SOX5: variants seen among roughly 807,000 people sequenced by gnomAD.
SOX5 encodes the protein transcription factor SOX-5.
Under a neutral mutation model 92.0 loss-of-function variants are expected in SOX5, and 9 were observed. The observed-to-expected ratio is 0.10, with a 90% CI of 0.06 to 0.17. SOX5 has a LOEUF of 0.17. Ranked by LOEUF, SOX5 falls within the 10% of genes least tolerant of loss-of-function variation. The pLI, the probability that SOX5 is intolerant of heterozygous loss-of-function variation, is 1.00. For missense variants in SOX5, 642 were observed against 944.5 expected, an observed-to-expected ratio of 0.68 and a Z score of 4.20; for synonymous variants, 344 against 336.3, an observed-to-expected ratio of 1.02 and a Z score of -0.25.
intron 6 of SOX5, among the ~76,000 whole-genome samples, chr12:23,674,155 T>A (rs1034711065): frequency 1.3e-5 from 2 of 151,966 alleles, no homozygotes; most frequent in African/African-American, 4.8e-5. Flanking sequence ...GGAAAACTGA[T>A]AAGAAAACAA....
At chr12:24,325,339 C>T (rs1950578383) in intron 2 of SOX5, among the ~76,000 whole-genome samples, 1 of 152,052 alleles carries the variant, frequency 6.6e-6, no homozygotes, top group Non-Finnish European at 1.5e-5. Context: ...TTATTTATGA[C>T]AGATTTTAGT....
chr12:23,765,404 A>AAAAC (rs2094692889), intron 3 of SOX5, among the ~76,000 whole-genome samples: 1 of 149,764 alleles, frequency 6.7e-6, no homozygotes, highest in African/African-American at 2.4e-5. Flanking sequence ...AAAAAAAAAA[A>AAAAC]AAAAAAAGAG....
chr12:24,526,211 A>G (rs1177752157), intron 1 of SOX5, among the ~76,000 whole-genome samples: 1 of 152,184 alleles, frequency 6.6e-6, no homozygotes, highest in Non-Finnish European at 1.5e-5. Flanking sequence ...AAACAGATGG[A>G]GGCAAATGTG....
chr12:24,141,280 C>T (rs1164839245), intron 4 of SOX5, among the ~76,000 whole-genome samples: 1 of 151,936 alleles, frequency 6.6e-6, no homozygotes, highest in Non-Finnish European at 1.5e-5. Flanking sequence ...TATTTATATC[C>T]TAAGTGTTGC....
intron 1 of SOX5, among the ~76,000 whole-genome samples, chr12:24,447,869 G>A (rs752315734): frequency 6.6e-6 from 1 of 152,162 alleles, no homozygotes; most frequent in Non-Finnish European, 1.5e-5. Flanking sequence ...CATGCTTGGA[G>A]AGGGATGCGG....
At position 24,166,448 on chromosome 12, in the gene SOX5, T is replaced by G. The variant is rs375874468; in HGVS notation, c.-2+46895A>C. Among the ~76,000 whole-genome samples the G allele has an allele frequency of 5.3e-5, 8 of 152,268 alleles. 1 individual carries two copies. The highest frequency in any genetic ancestry group is 1.9e-4 in the East Asian group (1 of 5,190). On this transcript the variant is annotated intron_variant, in intron 4 of 4. Coordinates refer to the SOX5 transcript ENST00000446891. Reference sequence around the variant, plus strand: ...ATGAAATCTTGAATGTGAATGAGATTCTCAGGAAATATAGAGCAATACAAG... The same window carrying G: ...ATGAAATCTTGAATGTGAATGAGATGCTCAGGAAATATAGAGCAATACAAG...
chr12:23,995,690 T>C (rs1461051725), intron 4 of SOX5, among the ~76,000 whole-genome samples: 2 of 152,154 alleles, frequency 1.3e-5, no homozygotes, highest in South Asian at 4.1e-4. Flanking sequence ...AGAGCAAGAC[T>C]CTCTCAATTA....
intron 3 of SOX5, among the ~76,000 whole-genome samples, chr12:23,838,854 GGC>G (rs1568224344): frequency 7.5e-5 from 7 of 93,550 alleles, no homozygotes; most frequent in Admixed American, 1.2e-4. Flanking sequence ...GGGGGGGGGG[GGC>G]GGGGATGGAG....
chr12:24,120,179 C>T (rs1405907818), intron 4 of SOX5, among the ~76,000 whole-genome samples: 1 of 152,130 alleles, frequency 6.6e-6, no homozygotes, highest in African/African-American at 2.4e-5. Context: ...GTTGGATATA[C>T]ACTCAGAAGT....
intron 4 of SOX5, among the ~76,000 whole-genome samples, chr12:23,749,375 A>ATGTTT (rs2094111525): frequency 1.3e-5 from 2 of 151,890 alleles, no homozygotes; most frequent in South Asian, 4.1e-4. Flanking sequence ...TACCTTTTTA[A>ATGTTT]ATATGTTTAT....
intron 3 of SOX5, among the ~76,000 whole-genome samples, chr12:24,254,816 G>A (rs1273191260): frequency 6.6e-6 from 1 of 151,182 alleles, no homozygotes. Context: ...TTCTCATTTG[G>A]GCTTTAATTT....
chr12:24,327,673 T>G (rs1382324156), intron 2 of SOX5, among the ~76,000 whole-genome samples: 1 of 152,040 alleles, frequency 6.6e-6, no homozygotes, highest in Non-Finnish European at 1.5e-5. Context: ...AAACTCTGCC[T>G]CCTGGGTTCA....
chr12:23,763,462 T>A (rs1197884479), intron 3 of SOX5, among the ~76,000 whole-genome samples: 1 of 152,174 alleles, frequency 6.6e-6, no homozygotes, highest in Non-Finnish European at 1.5e-5. Flanking sequence ...CCCATTTTTA[T>A]GAAATAACCA....
chr12:24,109,708 T>C (rs1354924357), intron 4 of SOX5, among the ~76,000 whole-genome samples: 1 of 152,184 alleles, frequency 6.6e-6, no homozygotes, highest in Non-Finnish European at 1.5e-5. Flanking sequence ...AGAAGAAAAT[T>C]AGTTTTAAAC....
rs527511204 is a variant in SOX5 at position 23,554,412 on chromosome 12, G to A, written c.1489-7988C>T. Among the ~76,000 whole-genome samples the A allele has an allele frequency of 2.6e-5, 4 of 152,212 alleles. No individual in the cohort carries two copies. The East Asian group carries it at 5.8e-4, about 22-fold the overall frequency. Reference sequence around the variant, plus strand: ...ACATGACCAATGCTGGGGCACAGGCGAATTGAACAGGAACTGCGTTACTTT... The same window carrying A: ...ACATGACCAATGCTGGGGCACAGGCAAATTGAACAGGAACTGCGTTACTTT... On this transcript the variant is annotated intron_variant, in intron 11 of 14. Transcript: ENST00000451604.
At chr12:24,372,596 T>C (rs1440264174) in intron 1 of SOX5, among the ~76,000 whole-genome samples, 4 of 152,204 alleles carry the variant, frequency 2.6e-5, no homozygotes, top group Non-Finnish European at 5.9e-5. Flanking sequence ...TAAAGATACA[T>C]GTGCATGTGT....
chr12:24,325,921 T>C (rs1290005262), intron 2 of SOX5, among the ~76,000 whole-genome samples: 1 of 152,192 alleles, frequency 6.6e-6, no homozygotes, highest in African/African-American at 2.4e-5. Context: ...TGTGTGTGTA[T>C]GTTAGATAAG....
chr12:23,968,815 T>C (rs1289697674), intron 4 of SOX5, among the ~76,000 whole-genome samples: 1 of 152,188 alleles, frequency 6.6e-6, no homozygotes, highest in Non-Finnish European at 1.5e-5. Flanking sequence ...ATTGATTTCT[T>C]TGAGTATTGT....
intron 8 of SOX5, among the ~76,000 whole-genome samples, chr12:23,615,979 A>G (rs1240001766): frequency 6.6e-6 from 1 of 152,212 alleles, no homozygotes; most frequent in African/African-American, 2.4e-5. Context: ...TAATACATAT[A>G]GATAGTTACC....
Sources: gnomAD v4.1 joint callset for allele counts (sites outside exome capture counted in the v4.1 genomes callset) on GRCh38, gnomAD v4.1.1 for gene constraint, MANE v1.5 for transcripts, NCBI Gene and HGNC (gene_info 2026-07-23, HGNC 2026-07-21) for gene names.